KCND2: variants seen among roughly 807,000 people sequenced by gnomAD.
KCND2 encodes potassium voltage-gated channel subfamily D member 2.
A neutral mutation model predicts 54.4 loss-of-function variants in KCND2; 16 were observed. The observed-to-expected ratio is 0.29, with a 90% confidence interval of 0.20 to 0.45. KCND2 has a LOEUF of 0.45. Ranked by LOEUF, KCND2 falls within the 20% of genes least tolerant of loss-of-function variation. The pLI, the probability that KCND2 is intolerant of heterozygous loss-of-function variation, is 1.00. For synonymous variants in KCND2, 317 were observed against 310.7 expected (o/e 1.02, Z -0.21); for missense variants, 486 against 824.2 (o/e 0.59, Z 5.02).
rs534088618 is a variant in KCND2, at chr7:120,502,642, A to G, written c.1115+226895A>G. 3.7e-4 allele frequency among the ~76,000 whole-genome samples: 56 copies of G among 152,140 alleles called. 1 individual carries two copies. In the South Asian group the frequency reaches 9.5e-3, roughly 26 times the overall value. On this transcript the variant is annotated intron_variant, in intron 1 of 5. Coordinates refer to ENST00000331113, the MANE Select transcript of KCND2 (RefSeq NM_012281.3). ...AGAAGACTGCATGTTCTTTTCTTGAACAAAACTATGAGTATGCAAGCTAAT... is the reference window on the plus strand; with the variant it reads ...AGAAGACTGCATGTTCTTTTCTTGAGCAAAACTATGAGTATGCAAGCTAAT...
At chr7:120,484,148 C>T (rs59732893) in intron 1 of KCND2, among the ~76,000 whole-genome samples, 18,350 of 151,982 alleles carry the variant, frequency 0.12, 1,658 homozygotes, top group East Asian at 0.49. Flanking sequence ...AAGGCAGTGC[C>T]GCCTTGGAGA....
chr7:120,350,155 C>A (rs888956703), intron 1 of KCND2, among the ~76,000 whole-genome samples: 9 of 151,994 alleles, frequency 5.9e-5, no homozygotes, highest in African/African-American at 2.2e-4. Flanking sequence ...TATCTGCTGC[C>A]TTTAAATTCA....
At chr7:120,654,833 G>A (rs1222505230) in intron 1 of KCND2, among the ~76,000 whole-genome samples, 1 of 152,038 alleles carries the variant, frequency 6.6e-6, no homozygotes, top group African/African-American at 2.4e-5. Flanking sequence ...TATGGATATG[G>A]ATATACACAC....
intron 1 of KCND2, among the ~76,000 whole-genome samples, chr7:120,644,377 A>G (rs1172719155): frequency 6.6e-6 from 1 of 152,202 alleles, no homozygotes; most frequent in Non-Finnish European, 1.5e-5. Context: ...ACAAATCTAG[A>G]AAGGTAGAAG....
intron 1 of KCND2, among the ~76,000 whole-genome samples, chr7:120,453,487 C>T (rs1436544382): frequency 6.6e-6 from 1 of 152,212 alleles, no homozygotes; most frequent in African/African-American, 2.4e-5. Context: ...TGCACTGCCA[C>T]TGCCACCATT....
chr7:120,681,425 C>T (rs1792138382), intron 1 of KCND2, among the ~76,000 whole-genome samples: 1 of 151,964 alleles, frequency 6.6e-6, no homozygotes, highest in Non-Finnish European at 1.5e-5. Flanking sequence ...TAATCACATT[C>T]CAACTAAACA....
chr7:120,444,321 G>A (rs1801989115), intron 1 of KCND2, among the ~76,000 whole-genome samples: 1 of 152,064 alleles, frequency 6.6e-6, no homozygotes, highest in Admixed American at 6.6e-5. Context: ...GTGAAATATA[G>A]GATCTTTAGT....
At chr7:120,478,755 T>C (rs1413645380) in intron 1 of KCND2, among the ~76,000 whole-genome samples, 1 of 152,186 alleles carries the variant, frequency 6.6e-6, no homozygotes, top group African/African-American at 2.4e-5. Context: ...CCTGTAGCTA[T>C]AATGTTTTCT....
chr7:120,510,873 C>T (rs1803103272), intron 1 of KCND2, among the ~76,000 whole-genome samples: 1 of 151,884 alleles, frequency 6.6e-6, no homozygotes, highest in African/African-American at 2.4e-5. Flanking sequence ...TGGCCACCTC[C>T]CCTGCCCCAT....
chr7:120,318,611 T>C (rs1267446066), intron 1 of KCND2, among the ~76,000 whole-genome samples: 4 of 152,136 alleles, frequency 2.6e-5, no homozygotes, highest in Non-Finnish European at 5.9e-5. Context: ...CATGGTGTTC[T>C]AAATCCAGAG....
intron 1 of KCND2, among the ~76,000 whole-genome samples, chr7:120,406,943 T>C (rs528327764): frequency 3.3e-4 from 50 of 152,102 alleles, no homozygotes; most frequent in Non-Finnish European, 6.6e-4. Context: ...AATCAGAATT[T>C]CACAGAGCAC....
chr7:120,538,403 C>T (rs1791937999), intron 1 of KCND2, among the ~76,000 whole-genome samples: 1 of 152,142 alleles, frequency 6.6e-6, no homozygotes, highest in Non-Finnish European at 1.5e-5. Context: ...CATAGAGTCA[C>T]AAAGTGAGCA....
At chr7:120,285,485 A>C (rs1163246082) in intron 1 of KCND2, among the ~76,000 whole-genome samples, 3 of 151,978 alleles carry the variant, frequency 2.0e-5, no homozygotes, top group Non-Finnish European at 4.4e-5. Flanking sequence ...ACTAATTTCA[A>C]AACATCTCAT....
chr7:120,380,035 CAAAT>C lies in KCND2; in HGVS notation c.1115+104293_1115+104296del, dbSNP rs1800891659. On this transcript the variant is annotated intron_variant, in intron 1 of 5. Coordinates refer to ENST00000331113, the MANE Select transcript of KCND2 (RefSeq NM_012281.3). ...CTGTACATATTTTCATATGATATAT[CAAAT>C]AAATTGCAATCAATAAATATATCCA... 2.0e-5 allele frequency among the ~76,000 whole-genome samples: 3 copies of C among 151,866 alleles called. No individual in the cohort carries two copies. In the South Asian group the frequency reaches 6.2e-4, roughly 31 times the overall value.
At chr7:120,483,577 C>T (rs980210978) in intron 1 of KCND2, among the ~76,000 whole-genome samples, 1 of 152,074 alleles carries the variant, frequency 6.6e-6, no homozygotes, top group African/African-American at 2.4e-5. Flanking sequence ...AAGAACTCAG[C>T]AATGGTGACT....
chr7:120,458,527 A>G (rs1336843781), intron 1 of KCND2, among the ~76,000 whole-genome samples: 1 of 152,218 alleles, frequency 6.6e-6, no homozygotes, highest in Non-Finnish European at 1.5e-5. Context: ...AATGGAAATG[A>G]GCAGTTCATA....
At chr7:120,279,421 T>G (rs1172656926) in intron 1 of KCND2, among the ~76,000 whole-genome samples, 1 of 152,024 alleles carries the variant, frequency 6.6e-6, no homozygotes, top group Non-Finnish European at 1.5e-5. Flanking sequence ...TCATCTCACT[T>G]TAATTTTAAA....
intron 1 of KCND2, among the ~76,000 whole-genome samples, chr7:120,413,137 GAC>G (rs1220057991): frequency 2.0e-5 from 3 of 151,984 alleles, no homozygotes; most frequent in Non-Finnish European, 4.4e-5. Context: ...TAAGAAGTAA[GAC>G]ATTTAAAAGA....
intron 1 of KCND2, among the ~76,000 whole-genome samples, chr7:120,679,425 A>T (rs954951959): frequency 1.3e-5 from 2 of 152,044 alleles, no homozygotes; most frequent in Non-Finnish European, 2.9e-5. Context: ...GAATTAAAAA[A>T]TTCTATGTGG....
Sources: allele counts gnomAD v4.1 joint callset (sites outside exome capture counted in the v4.1 genomes callset), GRCh38; gene constraint gnomAD v4.1.1; transcripts MANE v1.5; gene names NCBI Gene and HGNC (gene_info 2026-07-23, HGNC 2026-07-21).